Variants in ADARB2 observed in about 807,000 individuals in gnomAD.
ADARB2 encodes the protein inactive double-stranded RNA-specific editase B2.
In ADARB2, 25 loss-of-function variants were observed where a neutral mutation model predicts 62.2. The ratio of observed to expected loss-of-function variants is 0.40; its 90% CI spans 0.29 to 0.56. ADARB2 has a LOEUF of 0.56. Ranked by LOEUF, ADARB2 falls within the 20% of genes least tolerant of loss-of-function variation. ADARB2 has a pLI of 0.43. For missense variants in ADARB2, 1,071 were observed against 1,077.4 expected (o/e 0.99, Z 0.08); for synonymous variants, 572 against 500.8 (o/e 1.14, Z -1.90).
At chr10:1,463,121 T>C (rs962569045) in intron 1 of ADARB2, among the ~76,000 whole-genome samples, 22 of 152,162 alleles carry the variant, frequency 1.4e-4, no homozygotes, top group African/African-American at 5.1e-4. Context: ...TGTGGGCCAT[T>C]GAGAAGGACG....
chr10:1,229,835 CAT>C (rs896966754), intron 6 of ADARB2, among the ~76,000 whole-genome samples: 2 of 145,944 alleles, frequency 1.4e-5, no homozygotes, highest in Non-Finnish European at 1.5e-5. Flanking sequence ...TTTTTGTGCA[CAT>C]GTGCTTACGT....
rs1830762996 is a variant in ADARB2, at chr10:1,429,904, T to A, written c.101-50744A>T. On this transcript the variant is annotated intron_variant, in intron 1 of 9. Transcript: ENST00000381312. ...TCTCTCCTCCCCTCATCTCCTTTCC[T>A]TGTTGCTAGCAAAACCACTCTTAAA... Among the ~76,000 whole-genome samples the A allele has an allele frequency of 2.0e-5, 3 of 152,292 alleles. No individual in the cohort carries two copies. The South Asian group carries it at 6.2e-4, about 32-fold the overall frequency.
chr10:1,547,629 G>A (rs1441935149), intron 1 of ADARB2, among the ~76,000 whole-genome samples: 4 of 66,924 alleles, frequency 6.0e-5, no homozygotes, highest in East Asian at 8.9e-4. Flanking sequence ...CTGCACTGGC[G>A]TATGCACTGT....
chr10:1,248,735 C>T (rs746585975), intron 4 of ADARB2, among the ~76,000 whole-genome samples: 3 of 152,194 alleles, frequency 2.0e-5, no homozygotes, highest in Non-Finnish European at 4.4e-5. Context: ...CTATAAATGG[C>T]TATTGAGAGT....
At chr10:1,379,892 C>T (rs1832466933) in intron 1 of ADARB2, among the ~76,000 whole-genome samples, 1 of 152,154 alleles carries the variant, frequency 6.6e-6, no homozygotes, top group South Asian at 2.1e-4. Flanking sequence ...CCGCTCTTCA[C>T]CAATAAAGTA....
intron 1 of ADARB2, among the ~76,000 whole-genome samples, chr10:1,421,750 A>G (rs1175780332): frequency 6.6e-6 from 1 of 152,186 alleles, no homozygotes; most frequent in Non-Finnish European, 1.5e-5. Context: ...ATTGCCTCCT[A>G]AAGTGAACCC....
chr10:1,307,146 A>G (rs1469451129), intron 3 of ADARB2, among the ~76,000 whole-genome samples: 2 of 107,062 alleles, frequency 1.9e-5, no homozygotes, highest in Admixed American at 1.1e-4. Context: ...TGAACAGGCA[A>G]CCTACAAAAT....
intron 1 of ADARB2, among the ~76,000 whole-genome samples, chr10:1,511,218 A>T (rs899839145): frequency 6.6e-6 from 1 of 152,166 alleles, no homozygotes; most frequent in African/African-American, 2.4e-5. Context: ...GGATGCACTT[A>T]TAATATTGTT....
At chr10:1,418,035 T>A (rs760962251) in intron 1 of ADARB2, among the ~76,000 whole-genome samples, 18 of 152,202 alleles carry the variant, frequency 1.2e-4, no homozygotes, top group Non-Finnish European at 2.4e-4. Flanking sequence ...TCCACATCCT[T>A]TGCTGAGATG....
intron 1 of ADARB2, among the ~76,000 whole-genome samples, chr10:1,609,896 G>A (rs1400843736): frequency 1.3e-5 from 2 of 152,218 alleles, no homozygotes; most frequent in Admixed American, 1.3e-4. Flanking sequence ...GAATAGCAGG[G>A]CGCTGACAGT....
intron 1 of ADARB2, among the ~76,000 whole-genome samples, chr10:1,510,108 C>CTCTCTT (rs1224437078): frequency 8.3e-6 from 1 of 120,918 alleles, no homozygotes; most frequent in Non-Finnish European, 1.8e-5. Context: ...TTCTTTCTTT[C>CTCTCTT]TCTCTTTCTT....
chr10:1,271,645 C>T (rs1589172531), intron 3 of ADARB2, among the ~76,000 whole-genome samples: 1 of 152,150 alleles, frequency 6.6e-6, no homozygotes, highest in Non-Finnish European at 1.5e-5. Context: ...CACACACAGA[C>T]ACACACATAC....
intron 1 of ADARB2, among the ~76,000 whole-genome samples, chr10:1,653,193 C>T (rs1264857053): frequency 6.6e-6 from 1 of 152,206 alleles, no homozygotes; most frequent in Non-Finnish European, 1.5e-5. Context: ...GCTGCTGCCA[C>T]AGCCTAGAGA....
At chr10:1,400,302 T>G (rs1832651008) in intron 1 of ADARB2, among the ~76,000 whole-genome samples, 2 of 152,098 alleles carry the variant, frequency 1.3e-5, no homozygotes, top group African/African-American at 4.8e-5. Context: ...GGGCAGCAGT[T>G]TTACCATAAA....
chr10:1,723,118 G>A (rs1280153599), intron 1 of ADARB2, among the ~76,000 whole-genome samples: 1 of 152,264 alleles, frequency 6.6e-6, no homozygotes, highest in Admixed American at 6.5e-5. Context: ...GGGAGCGCAT[G>A]CCCCTTCTCA....
intron 1 of ADARB2, among the ~76,000 whole-genome samples, chr10:1,516,225 C>T (rs1477933704): frequency 6.6e-6 from 1 of 152,164 alleles, no homozygotes; most frequent in Non-Finnish European, 1.5e-5. Flanking sequence ...CGTCCCTTAC[C>T]CTTACCCCAA....
At chr10:1,514,178 A>AAAATATATATAT (rs147869230) in intron 1 of ADARB2, among the ~76,000 whole-genome samples, 1 of 94,158 alleles carries the variant, frequency 1.1e-5, no homozygotes, top group Non-Finnish European at 2.2e-5. Context: ...GCTGTCTCAA[A>AAAATATATATAT]ATATATATAT....
intron 1 of ADARB2, among the ~76,000 whole-genome samples, chr10:1,491,155 C>T (rs1330566942): frequency 6.6e-6 from 1 of 152,150 alleles, no homozygotes; most frequent in Admixed American, 6.6e-5. Flanking sequence ...TCACACAAGC[C>T]TCAACCAGGC....
chr10:1,636,613 A>G (rs1231574383), intron 1 of ADARB2, among the ~76,000 whole-genome samples: 1 of 152,078 alleles, frequency 6.6e-6, no homozygotes, highest in African/African-American at 2.4e-5. Flanking sequence ...AGTAATGCCA[A>G]CAAGAATGTT....
Sources: gnomAD v4.1 joint callset for allele counts (sites outside exome capture counted in the v4.1 genomes callset) on GRCh38, gnomAD v4.1.1 for gene constraint, MANE v1.5 for transcripts, NCBI Gene and HGNC (gene_info 2026-07-23, HGNC 2026-07-21) for gene names.